STK3: variants seen among roughly 807,000 people sequenced by gnomAD.
The protein encoded by STK3 is serine/threonine-protein kinase 3.
In STK3, 41 loss-of-function variants were observed where a neutral mutation model predicts 58.0. The ratio of observed to expected loss-of-function variants is 0.71; its 90% confidence interval spans 0.55 to 0.92. STK3 has a LOEUF of 0.92. STK3 is among the 40% of genes least tolerant of loss of function. The pLI is 0.00. For missense variants in STK3, 479 were observed against 602.7 expected (o/e 0.79, Z 2.15); for synonymous variants, 170 against 191.0 (o/e 0.89, Z 0.91).
downstream of STK3, among the ~76,000 whole-genome samples, chr8:98,396,502 G>A (rs10282835): frequency 0.077 from 11,699 of 152,312 alleles, 713 homozygotes; most frequent in African/African-American, 0.17. Flanking sequence ...AGTCTGCCCT[G>A]CAGCATGGTA....
At chr8:98,709,776 G>A (rs1826252202) in intron 4 of STK3, among the ~76,000 whole-genome samples, 1 of 151,950 alleles carries the variant, frequency 6.6e-6, no homozygotes, top group South Asian at 2.1e-4. Flanking sequence ...ATGAATAGAA[G>A]GAAACTATCT....
intron 4 of STK3, among the ~76,000 whole-genome samples, chr8:98,721,384 G>A (rs765175271): frequency 1.3e-5 from 2 of 151,968 alleles, no homozygotes; most frequent in Non-Finnish European, 2.9e-5. Context: ...CAGAAAAATA[G>A]CCAGTTATGG....
At chr8:98,607,454 G>A (rs1441877047) in intron 6 of STK3, among the ~76,000 whole-genome samples, 1 of 152,156 alleles carries the variant, frequency 6.6e-6, no homozygotes, top group Non-Finnish European at 1.5e-5. Context: ...TCATTGTCAT[G>A]CATTCACAAT....
intron 6 of STK3, among the ~76,000 whole-genome samples, chr8:98,701,296 C>G (rs887775520): frequency 7.2e-5 from 11 of 152,080 alleles, no homozygotes; most frequent in South Asian, 2.1e-4. Context: ...TTATTCATCT[C>G]CTGATTTAAA....
At chr8:98,508,620 G>A (rs973566521) in intron 10 of STK3, among the ~76,000 whole-genome samples, 3 of 152,128 alleles carry the variant, frequency 2.0e-5, no homozygotes, top group Admixed American at 1.3e-4. Flanking sequence ...TTAAATGGGT[G>A]AGTTATATGG....
intron 4 of STK3, among the ~76,000 whole-genome samples, chr8:98,716,356 T>G (rs1827014002): frequency 6.6e-6 from 1 of 151,994 alleles, no homozygotes; most frequent in Non-Finnish European, 1.5e-5. Flanking sequence ...TCAGATATAT[T>G]TTTATACATT....
intron 2 of STK3, 40 bp downstream of exon 2, chr8:98,774,699 T>C (rs774954699): frequency 1.0e-5 from 14 of 1,375,160 alleles, no homozygotes; most frequent in Non-Finnish European, 1.3e-5. Flanking sequence ...TTTAAATTGT[T>C]CTGAAATTAT....
At chr8:98,690,771 G>T (rs1022406663) in intron 6 of STK3, among the ~76,000 whole-genome samples, 17 of 152,128 alleles carry the variant, frequency 1.1e-4, no homozygotes, top group Non-Finnish European at 1.5e-5. Context: ...CAAAGCCAGA[G>T]ACATCAATTT....
intron 3 of STK3, among the ~76,000 whole-genome samples, chr8:98,765,786 T>C (rs1289094093): frequency 6.6e-6 from 1 of 152,228 alleles, no homozygotes; most frequent in African/African-American, 2.4e-5. Flanking sequence ...AGCAGACTTT[T>C]TGTTAAGGGA....
chr8:98,376,905 A>G (rs903493193), intron 2 of STK3, among the ~76,000 whole-genome samples: 7 of 152,192 alleles, frequency 4.6e-5, no homozygotes, highest in South Asian at 2.1e-4. Context: ...TCTTCAACCT[A>G]TTTTGCTTGT....
intron 6 of STK3, chr8:98,651,870 A>G (rs1424006181): frequency 6.6e-6 from 1 of 152,204 alleles, no homozygotes; most frequent in African/African-American, 2.4e-5. Flanking sequence ...TGTACCTGAA[A>G]GTGACAGGGA....
chr8:98,760,295 AC>A (rs1230527043), intron 3 of STK3, among the ~76,000 whole-genome samples: 4 of 152,006 alleles, frequency 2.6e-5, no homozygotes, highest in African/African-American at 9.7e-5. Flanking sequence ...ACATGCACAC[AC>A]CCGGACTAAT....
chr8:98,891,728 T>C (rs1433231752), intron 1 of STK3, among the ~76,000 whole-genome samples: 1 of 152,140 alleles, frequency 6.6e-6, no homozygotes, highest in Admixed American at 6.5e-5. Flanking sequence ...GACTTCCAGC[T>C]GTCAAGTGCT....
intron 8 of STK3, among the ~76,000 whole-genome samples, chr8:98,563,272 C>T (rs1812205418): frequency 6.6e-6 from 1 of 152,022 alleles, no homozygotes; most frequent in South Asian, 2.1e-4. Flanking sequence ...TGATAGGAGC[C>T]AGGTTTCTCA....
chr8:98,426,447 G>A (rs1390859314), intron 3 of STK3, among the ~76,000 whole-genome samples: 5 of 152,104 alleles, frequency 3.3e-5, no homozygotes, highest in Non-Finnish European at 5.9e-5. Flanking sequence ...GACACAAACT[G>A]TGCCCACACA....
chr8:98,394,358 G>T (rs983029828), intron 3 of STK3, among the ~76,000 whole-genome samples: 1 of 152,018 alleles, frequency 6.6e-6, no homozygotes, highest in African/African-American at 2.4e-5. Flanking sequence ...TCAAACGAGA[G>T]ATTGTAACTT....
chr8:98,348,746 C>T, the STK3 span, among the ~76,000 whole-genome samples: 1 of 152,216 alleles, frequency 6.6e-6, no homozygotes, highest in Non-Finnish European at 1.5e-5. Context: ...ATTCAAGACA[C>T]TGATAACACC....
At chr8:98,790,771 T>C (rs540687801) in intron 1 of STK3, among the ~76,000 whole-genome samples, 1 of 151,740 alleles carries the variant, frequency 6.6e-6, no homozygotes, top group Non-Finnish European at 1.5e-5. Context: ...GATCACGAGG[T>C]CAGGAGTTCG....
chr8:98,734,351 C>T (rs1460279295), intron 4 of STK3, among the ~76,000 whole-genome samples: 1 of 152,186 alleles, frequency 6.6e-6, no homozygotes, highest in African/African-American at 2.4e-5. Flanking sequence ...CTACAGACCA[C>T]AAGACTAGTC....
Sources: gnomAD v4.1 joint callset for allele counts (sites outside exome capture counted in the v4.1 genomes callset) on GRCh38, gnomAD v4.1.1 for gene constraint, MANE v1.5 for transcripts, NCBI Gene and HGNC (gene_info 2026-07-23, HGNC 2026-07-21) for gene names.